Variants in IGF1 observed in about 807,000 individuals in gnomAD.
The protein encoded by IGF1 is insulin-like growth factor 1.
IGF1 carries 4 observed loss-of-function variants against 13.8 expected under a neutral mutation model. The observed-to-expected ratio is 0.29, with a 90% confidence interval of 0.14 to 0.66. The LOEUF (loss-of-function observed/expected upper bound fraction) is 0.66, where lower values mean the gene tolerates loss of function less well. Among genes scored for constraint, IGF1 ranks in the 30% least tolerant of loss-of-function variants. IGF1 has a pLI of 0.78. For synonymous variants in IGF1, 76 were observed against 72.6 expected (o/e 1.05, Z -0.23); for missense variants, 124 against 188.5 (o/e 0.66, Z 2.00).
chr12:102,439,885 C>T (rs1256988013), intron 2 of IGF1, among the ~76,000 whole-genome samples: 1 of 152,140 alleles, frequency 6.6e-6, no homozygotes, highest in East Asian at 1.9e-4. Flanking sequence ...GGTAAACAGA[C>T]TCGGGCCACA....
intron 3 of IGF1, among the ~76,000 whole-genome samples, chr12:102,405,899 A>G (rs1030089613): frequency 6.6e-6 from 1 of 152,230 alleles, no homozygotes; most frequent in Non-Finnish European, 1.5e-5. Flanking sequence ...AACCACATAC[A>G]TCCTATTTTT....
intron 2 of IGF1, 91 bp downstream of exon 2, chr12:102,475,552 A>G (rs1427381884): frequency 1.4e-6 from 2 of 1,424,778 alleles, no homozygotes; most frequent in African/African-American, 1.4e-5. Context: ...ACGGGCACTC[A>G]TTCAGTTATT....
chr12:102,451,126 C>A (rs532794460), intron 2 of IGF1, among the ~76,000 whole-genome samples: 1 of 152,286 alleles, frequency 6.6e-6, no homozygotes, highest in African/African-American at 2.4e-5. Context: ...TACAGAATTT[C>A]AAGAATGGTT....
chr12:102,456,161 GC>G (rs1879374859), intron 2 of IGF1, among the ~76,000 whole-genome samples: 1 of 151,406 alleles, frequency 6.6e-6, no homozygotes, highest in Non-Finnish European at 1.5e-5. Flanking sequence ...AGAAAGTTTT[GC>G]CCCCTTTTAA....
intron 3 of IGF1, among the ~76,000 whole-genome samples, chr12:102,414,711 A>C (rs1874936729): frequency 6.6e-6 from 1 of 152,192 alleles, no homozygotes; most frequent in African/African-American, 2.4e-5. Context: ...GGCATGAGCC[A>C]CTGTGCCCAG....
intron 2 of IGF1, among the ~76,000 whole-genome samples, chr12:102,425,441 C>T (rs535069137): frequency 6.6e-6 from 1 of 152,276 alleles, no homozygotes; most frequent in Admixed American, 6.5e-5. Context: ...CCTGCCCCCA[C>T]CCTCACTACT....
intron 2 of IGF1, among the ~76,000 whole-genome samples, chr12:102,456,660 C>T (rs1879431144): frequency 6.6e-6 from 1 of 152,052 alleles, no homozygotes; most frequent in African/African-American, 2.4e-5. Flanking sequence ...ATTTCTGCTG[C>T]CCGAGAGATG....
intron 2 of IGF1, among the ~76,000 whole-genome samples, chr12:102,453,127 G>A (rs992902872): frequency 6.6e-6 from 1 of 152,148 alleles, no homozygotes; most frequent in African/African-American, 2.4e-5. Flanking sequence ...TTCATGTGTG[G>A]CTGTGCTTTT....
intron 2 of IGF1, among the ~76,000 whole-genome samples, chr12:102,458,216 T>C (rs775806349): frequency 6.6e-6 from 1 of 152,210 alleles, no homozygotes; most frequent in Non-Finnish European, 1.5e-5. Context: ...GAGTTCTTTC[T>C]GTTTCATTTT....
At chr12:102,472,636 C>A (rs896830979) in intron 2 of IGF1, among the ~76,000 whole-genome samples, 3 of 152,142 alleles carry the variant, frequency 2.0e-5, no homozygotes, top group Non-Finnish European at 4.4e-5. Context: ...TAGGAGTCAA[C>A]TGACAGTGTA....
chr12:102,443,788 CAACCTTGAG>C (rs991634364), intron 2 of IGF1, among the ~76,000 whole-genome samples: 2 of 152,010 alleles, frequency 1.3e-5, no homozygotes, highest in African/African-American at 4.8e-5. Flanking sequence ...AAAAAACAGG[CAACCTTGAG>C]GTGCCTGTAA....
intron 1 of IGF1, among the ~76,000 whole-genome samples, chr12:102,478,161 G>A (rs1488097267): frequency 6.6e-6 from 1 of 151,134 alleles, no homozygotes; most frequent in Non-Finnish European, 1.5e-5. Flanking sequence ...AAACAATACC[G>A]AACTTGCTTA....
At chr12:102,450,804 T>C (rs1878853527) in intron 2 of IGF1, among the ~76,000 whole-genome samples, 1 of 152,246 alleles carries the variant, frequency 6.6e-6, no homozygotes, top group South Asian at 2.1e-4. Flanking sequence ...AAGATTTCAA[T>C]AATACTTTGG....
intron 3 of IGF1, among the ~76,000 whole-genome samples, chr12:102,407,396 A>T (rs1434217405): frequency 6.6e-6 from 1 of 152,146 alleles, no homozygotes; most frequent in Non-Finnish European, 1.5e-5. Flanking sequence ...TGTGCTGGGG[A>T]TTGTAGTATG....
At chr12:102,428,363 T>C (rs966501894) in intron 2 of IGF1, among the ~76,000 whole-genome samples, 5 of 151,526 alleles carry the variant, frequency 3.3e-5, no homozygotes, top group Non-Finnish European at 7.4e-5. Context: ...AAACAAGATG[T>C]ATAAGCTGAA....
intron 2 of IGF1, among the ~76,000 whole-genome samples, chr12:102,473,877 C>A (rs1279742536): frequency 6.6e-6 from 1 of 152,124 alleles, no homozygotes; most frequent in Admixed American, 6.6e-5. Flanking sequence ...TCATTTAATG[C>A]AAACATCATA....
intron 2 of IGF1, among the ~76,000 whole-genome samples, chr12:102,466,324 G>T (rs540667378): frequency 1.3e-5 from 2 of 152,148 alleles, no homozygotes; most frequent in Non-Finnish European, 2.9e-5. Flanking sequence ...CTCTTCTGGA[G>T]ACTTGTCTAG....
chr12:102,444,002 A>G (rs1489140019), intron 2 of IGF1, among the ~76,000 whole-genome samples: 1 of 151,670 alleles, frequency 6.6e-6, no homozygotes, highest in East Asian at 1.9e-4. Flanking sequence ...TAATTGTTGT[A>G]TTTTAGTAAA....
chr12:102,422,529 T>G (rs1875825939), intron 2 of IGF1, among the ~76,000 whole-genome samples: 1 of 152,214 alleles, frequency 6.6e-6, no homozygotes, highest in Admixed American at 6.5e-5. Context: ...AAGATCACAG[T>G]TGAGGGTCAA....
Sources: allele counts gnomAD v4.1 joint callset (sites outside exome capture counted in the v4.1 genomes callset), GRCh38; gene constraint gnomAD v4.1.1; transcripts MANE v1.5; gene names NCBI Gene and HGNC (gene_info 2026-07-23, HGNC 2026-07-21).